KCND2: variants seen among roughly 807,000 people sequenced by gnomAD.
KCND2 encodes potassium voltage-gated channel subfamily D member 2, also known as A-type voltage-gated potassium channel KCND2.
A neutral mutation model predicts 54.4 loss-of-function variants in KCND2; 16 were observed. That is an observed-to-expected ratio of 0.29 (90% CI 0.20 to 0.45). The LOEUF (loss-of-function observed/expected upper bound fraction) is 0.45, where lower values mean the gene tolerates loss of function less well. KCND2 is among the 20% of genes least tolerant of loss of function. KCND2 has a pLI of 1.00. For missense variants in KCND2, 486 were observed against 824.2 expected (o/e 0.59, Z 5.02); for synonymous variants, 317 against 310.7 (o/e 1.02, Z -0.21).
At chr7:120,628,758 C>T (rs1179430537) in intron 1 of KCND2, among the ~76,000 whole-genome samples, 1 of 152,124 alleles carries the variant, frequency 6.6e-6, no homozygotes, top group African/African-American at 2.4e-5. Flanking sequence ...TTCCAGCCAC[C>T]GCATAAATGG....
Position 120,672,968 on chromosome 7 carries a change from A to C in KCND2, c.1116-59935A>C, listed in dbSNP as rs1048781832. On this transcript the variant is annotated intron_variant, in intron 1 of 5. Coordinates refer to ENST00000331113, the MANE Select transcript of KCND2 (RefSeq NM_012281.3). ...GACATGCATATCTGTGAAGTGTCTC[A>C]TATTAAAAGACAGAGAAAGAAAGAG... 3 of 151,994 alleles carry C rather than the reference A, an allele frequency of 2.0e-5. 1 individual carries two copies. Among genetic ancestry groups the C allele is most frequent in the Non-Finnish European group, 4.4e-5 (3 of 67,976 alleles). 9.4% of individuals were successfully genotyped at this position (151,994 alleles called of 1,614,324 possible). A position where few individuals can be genotyped will look rare whatever the true frequency, so the allele number is the denominator to read the frequency against.
chr7:120,731,867 A>C (rs866431291), intron 1 of KCND2, among the ~76,000 whole-genome samples: 1 of 152,214 alleles, frequency 6.6e-6, no homozygotes, highest in African/African-American at 2.4e-5. Flanking sequence ...TTTGGTATGA[A>C]CAACTGCATG....
In KCND2 at chr7:120,416,235, C is replaced by G. The variant is rs191854786; in HGVS notation, c.1115+140488C>G. 7.9e-5 allele frequency among the ~76,000 whole-genome samples: 12 copies of G among 152,256 alleles called. No homozygotes were observed. The East Asian group carries it at 2.1e-3, about 27-fold the overall frequency. ...TTTATTTCTTAAAACCATTCTGCCC[C>G]ACTTCGTTCTCCAGCTACATTGGCC... On this transcript the variant is annotated intron_variant, in intron 1 of 5. Transcript: ENST00000331113.
At chr7:120,551,065 C>T (rs916238798) in intron 1 of KCND2, among the ~76,000 whole-genome samples, 2 of 152,102 alleles carry the variant, frequency 1.3e-5, no homozygotes, top group Non-Finnish European at 2.9e-5. Flanking sequence ...AGCCTCATGG[C>T]TTTCTTTTTC....
At chr7:120,583,244 C>T (rs887123926) in intron 1 of KCND2, among the ~76,000 whole-genome samples, 2 of 152,086 alleles carry the variant, frequency 1.3e-5, no homozygotes, top group African/African-American at 4.8e-5. Context: ...GCAGGACCCA[C>T]CGACACATTC....
At chr7:120,524,659 A>G (rs1791751397) in intron 1 of KCND2, among the ~76,000 whole-genome samples, 1 of 152,216 alleles carries the variant, frequency 6.6e-6, no homozygotes, top group Non-Finnish European at 1.5e-5. Context: ...TTGATATTTT[A>G]GCTCAGGATA....
chr7:120,647,661 T>A (rs1300671991), intron 1 of KCND2, among the ~76,000 whole-genome samples: 1 of 152,212 alleles, frequency 6.6e-6, no homozygotes, highest in Non-Finnish European at 1.5e-5. Flanking sequence ...GCTTACTGCT[T>A]TTGCCTAATT....
intron 1 of KCND2, among the ~76,000 whole-genome samples, chr7:120,403,636 T>A (rs904589984): frequency 6.6e-6 from 1 of 151,950 alleles, no homozygotes; most frequent in African/African-American, 2.4e-5. Context: ...GGTGATTTTT[T>A]TTTTTAACGT....
At chr7:120,359,110 C>A (rs957391545) in intron 1 of KCND2, among the ~76,000 whole-genome samples, 2 of 152,092 alleles carry the variant, frequency 1.3e-5, no homozygotes, top group Non-Finnish European at 2.9e-5. Context: ...TGGTATTTTA[C>A]AAACTGGAAT....
intron 1 of KCND2, among the ~76,000 whole-genome samples, chr7:120,609,396 A>C (rs1792923352): frequency 6.6e-6 from 1 of 152,108 alleles, no homozygotes; most frequent in Non-Finnish European, 1.5e-5. Flanking sequence ...TTGGAAACTT[A>C]CTAAATATTT....
chr7:120,464,237 A>G (rs985687854), intron 1 of KCND2, among the ~76,000 whole-genome samples: 2 of 151,784 alleles, frequency 1.3e-5, no homozygotes, highest in East Asian at 3.9e-4. Context: ...AAAAAAAAAA[A>G]GAAAACCTAC....
At chr7:120,351,438 A>C (rs1800404776) in intron 1 of KCND2, among the ~76,000 whole-genome samples, 1 of 137,636 alleles carries the variant, frequency 7.3e-6, no homozygotes, top group African/African-American at 2.7e-5. Context: ...TCTCTCTCAC[A>C]TTGCAAGGTT....
chr7:120,373,959 G>A (rs927058629), intron 1 of KCND2, among the ~76,000 whole-genome samples: 3 of 151,462 alleles, frequency 2.0e-5, no homozygotes, highest in Non-Finnish European at 4.4e-5. Flanking sequence ...ATCGCATTTG[G>A]GGCTATTTAA....
At chr7:120,331,098 T>G (rs1309414465) in intron 1 of KCND2, among the ~76,000 whole-genome samples, 1 of 152,156 alleles carries the variant, frequency 6.6e-6, no homozygotes, top group East Asian at 1.9e-4. Flanking sequence ...TTTTGATATA[T>G]TACATTCTGA....
intron 1 of KCND2, among the ~76,000 whole-genome samples, chr7:120,704,812 C>T (rs1792445961): frequency 6.6e-6 from 1 of 152,038 alleles, no homozygotes; most frequent in Non-Finnish European, 1.5e-5. Flanking sequence ...GTTTTATTGT[C>T]CCTCTAAATA....
chr7:120,384,116 A>G (rs1369646720), intron 1 of KCND2, among the ~76,000 whole-genome samples: 1 of 152,068 alleles, frequency 6.6e-6, no homozygotes, highest in African/African-American at 2.4e-5. Flanking sequence ...TACATATTAT[A>G]CCTAATGCAA....
At chr7:120,342,039 T>C (rs1800247310) in intron 1 of KCND2, among the ~76,000 whole-genome samples, 1 of 152,166 alleles carries the variant, frequency 6.6e-6, no homozygotes, top group African/African-American at 2.4e-5. Context: ...GTAGGAATCA[T>C]TAAGTAATGA....
chr7:120,289,194 C>T (rs927986006), intron 1 of KCND2, among the ~76,000 whole-genome samples: 7 of 152,012 alleles, frequency 4.6e-5, no homozygotes, highest in Admixed American at 1.3e-4. Context: ...TTATTGGGCC[C>T]CTATTCTGTA....
chr7:120,424,333 T>A (rs764569684), intron 1 of KCND2, among the ~76,000 whole-genome samples: 1 of 152,126 alleles, frequency 6.6e-6, no homozygotes, highest in Non-Finnish European at 1.5e-5. Context: ...AGAATTGAAC[T>A]AAAACGACAT....
Sources: allele counts gnomAD v4.1 joint callset (sites outside exome capture counted in the v4.1 genomes callset), GRCh38; gene constraint gnomAD v4.1.1; transcripts MANE v1.5; gene names NCBI Gene and HGNC (gene_info 2026-07-23, HGNC 2026-07-21).